AFDN: variants seen among roughly 807,000 people sequenced by gnomAD.
The protein encoded by AFDN is afadin, adherens junction formation factor.
In AFDN, 68 loss-of-function variants were observed where a neutral mutation model predicts 216.6. The observed-to-expected ratio is 0.31, with a 90% CI of 0.26 to 0.38. The LOEUF is 0.38. AFDN is among the 10% of genes least tolerant of loss of function. The pLI, the probability that AFDN is intolerant of heterozygous loss-of-function variation, is 1.00. For synonymous variants in AFDN, 868 were observed against 853.7 expected (o/e 1.02, Z -0.29); for missense variants, 2,136 against 2,342.0 (o/e 0.91, Z 1.82).
intron 23 of AFDN, among the ~76,000 whole-genome samples, chr6:167,935,433 G>A (rs1472625115): frequency 6.6e-6 from 1 of 152,204 alleles, no homozygotes; most frequent in Non-Finnish European, 1.5e-5. Flanking sequence ...GGGGCCTCCA[G>A]ACGGGGAAAA....
intron 12 of AFDN, among the ~76,000 whole-genome samples, chr6:167,903,035 C>A (rs1789190044): frequency 6.6e-6 from 1 of 152,196 alleles, no homozygotes; most frequent in African/African-American, 2.4e-5. Flanking sequence ...TAATACACTC[C>A]TTTTATTAAC....
In AFDN at chr6:167,960,351, G is replaced by GT. The variant is rs1350394704; in HGVS notation, c.4834-2077dup. 3.3e-5 allele frequency among the ~76,000 whole-genome samples: 5 copies of GT among 152,132 alleles called. No individual in the cohort carries two copies. In the East Asian group the frequency reaches 5.8e-4, roughly 18 times the overall value. Reference sequence around the variant, plus strand: ...GCATTCCAGATTTAGAAGAATAGAGGTTTTTAAGAAGAAAATGCCTGTTTT... The same window carrying GT: ...GCATTCCAGATTTAGAAGAATAGAGGTTTTTTAAGAAGAAAATGCCTGTTTT... On this transcript the variant is annotated intron_variant, in intron 30 of 33. Transcript: ENST00000683244.
At chr6:167,932,147 CT>C (rs1254985216) in intron 23 of AFDN, among the ~76,000 whole-genome samples, 12 of 152,158 alleles carry the variant, frequency 7.9e-5, no homozygotes, top group Non-Finnish European at 1.8e-4. Context: ...AATTTTACCC[CT>C]AGTCATTTGT....
chr6:167,951,076 T>C lies in AFDN; in HGVS notation c.3832-110T>C, dbSNP rs1795922454. ...CCTTGTAGGGCAGTCTCAGTCTCTT[T>C]CTGTACACTGATTTAACAGTTTTTC... On this transcript the variant is annotated intron_variant, in intron 29 of 33. Coordinates refer to ENST00000683244, the MANE Select transcript of AFDN (RefSeq NM_001386888.1). This position sits in a 1 kb window ranked among gnomAD's most constrained non-coding sequence, Gnocchi z 7.1. 2 of 1,413,036 alleles carry C rather than the reference T, an allele frequency of 1.4e-6. No homozygotes were observed. Among genetic ancestry groups the C allele is most frequent in the Admixed American group, 5.8e-5 (2 of 34,512 alleles). The allele number at this position is 1,413,036 out of a possible 1,614,324, so 87.5% of individuals were successfully genotyped here.
intron 4 of AFDN, among the ~76,000 whole-genome samples, chr6:167,872,775 G>C (rs1784926389): frequency 6.6e-6 from 1 of 152,122 alleles, no homozygotes; most frequent in Admixed American, 6.5e-5. Context: ...GGCTGACAAG[G>C]TGAAAAGCAG....
rs147847436 is a variant in AFDN at position 167,908,930 on chromosome 6, T to G, written c.1769+1641T>G. ...AAAAATTTAAACGTGTTTAAAATGC[T>G]AATATTAGTGAAGGAAAAAACCCTT... On this transcript the variant is annotated intron_variant, in intron 13 of 33. Coordinates refer to ENST00000683244, the MANE Select transcript of AFDN (RefSeq NM_001386888.1). Among the ~76,000 whole-genome samples, 503 of 152,316 alleles carry G rather than the reference T, an allele frequency of 3.3e-3. 4 individuals carry two copies. Among genetic ancestry groups the G allele is most frequent in the South Asian group, 5.6e-3 (27 of 4,830 alleles).
At chr6:167,834,249 C>T (rs1780147118) in intron 1 of AFDN, among the ~76,000 whole-genome samples, 1 of 152,080 alleles carries the variant, frequency 6.6e-6, no homozygotes, top group Non-Finnish European at 1.5e-5. Flanking sequence ...TATCTCTCAT[C>T]CTCTTCCCAC....
chr6:167,946,948 T>C, intron 27 of AFDN, 47 bp downstream of exon 27: 1 of 1,518,024 alleles, frequency 6.6e-7, no homozygotes, highest in Non-Finnish European at 8.9e-7. Context: ...GTGATCACAG[T>C]CTGAAGTGAG....
At chr6:167,930,184 A>G (rs1793105891) in intron 23 of AFDN, among the ~76,000 whole-genome samples, 1 of 152,166 alleles carries the variant, frequency 6.6e-6, no homozygotes. Context: ...CAGCCCAGGT[A>G]ACAGGGCAAG....
intron 2 of AFDN, 111 bp from the exon 3 acceptor site, chr6:167,870,275 G>C: frequency 1.6e-6 from 1 of 632,464 alleles, no homozygotes; most frequent in Admixed American, 2.8e-5. Flanking sequence ...ATTTCAGTCT[G>C]CAAGTAGGTG....
chr6:167,922,904 T>A lies in AFDN; in HGVS notation c.2957T>A (p.Ile986Lys). The change falls in exon 22 of 34, where the codon ATA (isoleucine) becomes AAA (lysine). Residue 986 changes from isoleucine (I) to lysine (K), a missense_variant. By Grantham distance (102) the Ile-to-Lys change is moderately radical (BLOSUM62 -3). Transcript: ENST00000683244. ...PHTRSPGTWT[I>K]YFEGADYESH... ...ACACGTTCACCAGGTACTTGGACAA[T>A]ATATTTTGAAGGTGCAGATTATGAA... 1.2e-6 allele frequency: 2 copies of A among 1,613,428 alleles called. No homozygotes were observed. The highest frequency in any genetic ancestry group is 1.1e-5 in the South Asian group (1 of 90,948).
At position 167,954,318 on chromosome 6, in the gene AFDN, T is replaced by TATA. The variant is rs1796288168; in HGVS notation, c.4833+2132_4833+2133insTAA. ...TACTAGAAGTTAGTCTGTAGTTCTT[T>TATA]ACCTTTCTCATCAAGTTGTCGAAAC... On this transcript the variant is annotated intron_variant, in intron 30 of 33. Transcript: ENST00000683244. The TATA allele has an allele frequency of 1.1e-5, 6 of 554,536 alleles. No individual in the cohort carries two copies. The East Asian group carries it at 1.9e-4, about 18-fold the overall frequency. The allele number at this position is 554,536 out of a possible 1,614,324, so 34.4% of individuals were successfully genotyped here.
At chr6:167,870,117 A>G (rs1449149917) in intron 2 of AFDN, among the ~76,000 whole-genome samples, 5 of 152,172 alleles carry the variant, frequency 3.3e-5, no homozygotes, top group Non-Finnish European at 7.4e-5. Context: ...TTCTTATTGC[A>G]TGTATATTTC....
rs532731626 is a variant in AFDN at position 167,952,937 on chromosome 6, C to A, written c.4833+750C>A. ...GAAAATGATTTTTGTTTTAAATAAA[C>A]TAACAAAAGTATAAATTCGTTTAAC... On this transcript the variant is annotated intron_variant, in intron 30 of 33. Coordinates refer to ENST00000683244, the MANE Select transcript of AFDN (RefSeq NM_001386888.1). Among the ~76,000 whole-genome samples the A allele has an allele frequency of 3.3e-5, 5 of 152,228 alleles. No individual in the cohort carries two copies. The South Asian group carries it at 1.0e-3, about 32-fold the overall frequency.
rs778113186 is a variant in AFDN at position 167,864,683 on chromosome 6, C to T, written c.238C>T (p.Arg80Ter). The stretch of plus-strand genomic sequence containing the variant: ...AATCGAAACGCTCGCGGAGAAATTT[C>T]GACCTGATATGCGAATGCTGTCCTC... ...DVIETLAEKFRPDMRMLSSPK... is the reference protein window; with the variant it reads ...DVIETLAEKF Residue 80 changes from arginine (R) to a stop codon, truncating the protein, a stop_gained, in exon 2 of 34, where the codon CGA becomes TGA. Coordinates refer to ENST00000683244, the MANE Select transcript of AFDN (RefSeq NM_001386888.1). LOFTEE classifies it high-confidence loss of function. 6.2e-7 allele frequency: 1 copy of T among 1,614,186 alleles called. No homozygotes were observed. Among genetic ancestry groups the T allele is most frequent in the South Asian group, 1.1e-5 (1 of 91,080 alleles).
chr6:167,908,342 C>T (rs1280883062), intron 13 of AFDN, among the ~76,000 whole-genome samples: 1 of 152,018 alleles, frequency 6.6e-6, no homozygotes, highest in African/African-American at 2.4e-5. Flanking sequence ...TAAGGGAATC[C>T]CAGGTTTTAA....
Position 167,889,330 on chromosome 6 carries a change from G to A in AFDN, c.1009+4G>A. On this transcript the variant is annotated splice_donor_region_variant and intron_variant, in intron 7 of 33. Coordinates refer to ENST00000683244, the MANE Select transcript of AFDN (RefSeq NM_001386888.1). ...AGGGAATGGCCAAGTGACAAAGGTA[G>A]TAACCTTATTAAAGGATTACTTACA... 1 of 1,588,930 alleles carries A rather than the reference G, an allele frequency of 6.3e-7. No homozygotes were observed. The highest frequency in any genetic ancestry group is 8.6e-7 in the Non-Finnish European group (1 of 1,157,244).
intron 8 of AFDN, among the ~76,000 whole-genome samples, chr6:167,892,582 G>A (rs1021758904): frequency 3.3e-5 from 5 of 152,136 alleles, no homozygotes; most frequent in African/African-American, 9.7e-5. Flanking sequence ...ATGAGTAATG[G>A]ACAGTTTATT....
Position 167,892,514 on chromosome 6 carries a change from T to TC in AFDN, c.1178-1348_1178-1347insC, listed in dbSNP as rs374357706. ...CTCCAAATCCAAATTTTTGAGGATC[T>TC]AAGAGTGTTGAGTTCTGAGAGAAAT... On this transcript the variant is annotated intron_variant, in intron 8 of 33. Coordinates refer to ENST00000683244, the MANE Select transcript of AFDN (RefSeq NM_001386888.1). Among the ~76,000 whole-genome samples the TC allele has an allele frequency of 6.4e-4, 97 of 152,340 alleles. No homozygotes were observed. In the Middle Eastern group the frequency reaches 0.01, roughly 16 times the overall value.
Sources: gnomAD v4.1 joint callset for allele counts (sites outside exome capture counted in the v4.1 genomes callset) on GRCh38, gnomAD v4.1.1 for gene constraint, Gnocchi (gnomAD v3.1) non-coding constraint, MANE v1.5 for transcripts, NCBI Gene and HGNC (gene_info 2026-07-23, HGNC 2026-07-21) for gene names.